Variants in DTX1 observed in about 807,000 individuals in gnomAD.
DTX1 encodes E3 ubiquitin-protein ligase DTX1.
In DTX1, 26 loss-of-function variants were observed where a neutral mutation model predicts 57.8. That is an observed-to-expected ratio of 0.45 (90% CI 0.33 to 0.62). The LOEUF is 0.62. Ranked by LOEUF, DTX1 falls within the 20% of genes least tolerant of loss-of-function variation. The probability of loss-of-function intolerance (pLI) is 0.02; values close to 1 mark genes in which losing one functional copy is unlikely to be tolerated. For missense variants in DTX1, 704 were observed against 895.3 expected (o/e 0.79, Z 2.73); for synonymous variants, 398 against 394.1 (o/e 1.01, Z -0.12).
In DTX1 at chr12:113,097,151, C is replaced by G; in HGVS notation, c.*212C>G. On this transcript the variant is annotated 3_prime_UTR_variant, in exon 10 of 10. Coordinates refer to ENST00000548759, the MANE Select transcript of DTX1 (RefSeq NM_004416.3). Reference sequence around the variant, plus strand: ...ATCATAGCTCCCTGAGAGGGCCAAGCAGAGAGTACTGGAAACCTCCCTACC... The same window carrying G: ...ATCATAGCTCCCTGAGAGGGCCAAGGAGAGAGTACTGGAAACCTCCCTACC... The G allele has an allele frequency of 1.7e-6, 1 of 593,730 alleles. No individual in the cohort carries two copies. The highest frequency in any genetic ancestry group is 3.1e-5 in the Admixed American group (1 of 32,634). 36.8% of individuals were successfully genotyped at this position (593,730 alleles called of 1,614,324 possible). A position where few individuals can be genotyped will look rare whatever the true frequency, so the allele number is the denominator to read the frequency against.
intron 3 of DTX1, among the ~76,000 whole-genome samples, chr12:113,090,545 T>C (rs1227400973): frequency 6.6e-6 from 1 of 152,188 alleles, no homozygotes; most frequent in Non-Finnish European, 1.5e-5. Flanking sequence ...TGAGGCACAG[T>C]GCTTTCTTCC....
intron 3 of DTX1, among the ~76,000 whole-genome samples, chr12:113,081,543 T>G (rs2044817666): frequency 6.6e-6 from 1 of 151,960 alleles, no homozygotes. Context: ...ATGAAGACGA[T>G]CTCTGGAGTG....
chr12:113,093,454 A>C lies in DTX1; in HGVS notation c.1004-85A>C. On this transcript the variant is annotated intron_variant, in intron 4 of 9. Transcript: ENST00000548759. This position sits in a 1 kb window ranked among gnomAD's most constrained non-coding sequence, Gnocchi z 4.2. Reference sequence around the variant, plus strand: ...AGAGCGCAACCCTCCCACCCACCCGAGGGCCCCGGGATTCCCAGGGCCAGT... The same window carrying C: ...AGAGCGCAACCCTCCCACCCACCCGCGGGCCCCGGGATTCCCAGGGCCAGT... 2.1e-5 allele frequency: 16 copies of C among 749,412 alleles called. No homozygotes were observed. Among genetic ancestry groups the C allele is most frequent in the Non-Finnish European group, 3.2e-5 (16 of 492,472 alleles). The allele number at this position is 749,412 out of a possible 1,614,324, so 46.4% of individuals were successfully genotyped here. A position where few individuals can be genotyped will look rare whatever the true frequency, so the allele number is the denominator to read the frequency against.
intron 3 of DTX1, among the ~76,000 whole-genome samples, chr12:113,092,892 G>T (rs1020849611): frequency 2.0e-4 from 31 of 152,232 alleles, no homozygotes; most frequent in Non-Finnish European, 3.8e-4. Context: ...GCCCTCTCGA[G>T]GGAGGAGCCG....
intron 2 of DTX1, among the ~76,000 whole-genome samples, chr12:113,067,536 G>T (rs1273178335): frequency 6.6e-6 from 1 of 152,212 alleles, no homozygotes. Flanking sequence ...TGTGTGCAGT[G>T]TCTGGGAAGG....
chr12:113,087,760 A>G lies in DTX1; in HGVS notation c.942-5402A>G, dbSNP rs144453228. On this transcript the variant is annotated intron_variant, in intron 3 of 9. Coordinates refer to ENST00000548759, the MANE Select transcript of DTX1 (RefSeq NM_004416.3). Reference sequence around the variant, plus strand: ...GGTATCCTGAAGGGGGCCAAGGCCAATGGGGGACCTGGAAACTAGCATCAG... The same window carrying G: ...GGTATCCTGAAGGGGGCCAAGGCCAGTGGGGGACCTGGAAACTAGCATCAG... Among the ~76,000 whole-genome samples the G allele has an allele frequency of 6.4e-4, 97 of 152,060 alleles. 1 individual carries two copies. The highest frequency in any genetic ancestry group is 2.0e-3 in the African/African-American group (83 of 41,492).
intron 3 of DTX1, among the ~76,000 whole-genome samples, chr12:113,091,245 CTG>C (rs140099273): frequency 0.1 from 15,805 of 152,104 alleles, 1,076 homozygotes; most frequent in Middle Eastern, 0.19. Context: ...GCACAAGTCT[CTG>C]TATGTAGGTG....
At position 113,077,599 on chromosome 12, in the gene DTX1, A is replaced by G. The variant is rs1462883862; in HGVS notation, c.435A>G (p.Leu145=). 1.1e-5 allele frequency: 17 copies of G among 1,613,346 alleles called. No homozygotes were observed. Among genetic ancestry groups the G allele is most frequent in the Admixed American group, 1.7e-5 (1 of 60,002 alleles). Residue 145 remains leucine, a synonymous_variant, in exon 3 of 10, where the codon CTA becomes CTG. Transcript: ENST00000548759. The surrounding 1 kb of genome is among the most constrained non-coding windows in gnomAD (Gnocchi z 7.8). ...KQHPWLDLSS[L]GFCYLIYFNS... is the part of the protein sequence containing the mutation. ...ACCCGTGGCTCGACCTCTCATCGCT[A>G]GGCTTCTGCTACCTCATCTACTTCA...
Position 113,077,403 on chromosome 12 carries a change from T to G in DTX1, c.260-21T>G. 2 of 1,538,526 alleles carry G rather than the reference T, an allele frequency of 1.3e-6. No homozygotes were observed. Among genetic ancestry groups the G allele is most frequent in the Non-Finnish European group, 1.8e-6 (2 of 1,140,252 alleles). On this transcript the variant is annotated intron_variant, in intron 2 of 9. Coordinates refer to ENST00000548759, the MANE Select transcript of DTX1 (RefSeq NM_004416.3). This position sits in a 1 kb window ranked among gnomAD's most constrained non-coding sequence, Gnocchi z 7.8. ...GACCAACGCCCGCTGTGCTGACGCC[T>G]CCTCCCCATTTCGAGTACAGGCACC...
At chr12:113,069,890 G>A (rs2044728161) in intron 2 of DTX1, among the ~76,000 whole-genome samples, 1 of 152,188 alleles carries the variant, frequency 6.6e-6, no homozygotes, top group Non-Finnish European at 1.5e-5. Flanking sequence ...GCAGATGCCA[G>A]CTAAGGGGCT....
In DTX1 at chr12:113,057,918, G is replaced by A. The variant is rs2044639517; in HGVS notation, c.-275G>A. The A allele has an allele frequency of 2.0e-6, 1 of 510,650 alleles. No homozygotes were observed. Among genetic ancestry groups the A allele is most frequent in the African/African-American group, 1.9e-5 (1 of 52,450 alleles). 31.6% of individuals were successfully genotyped at this position (510,650 alleles called of 1,614,324 possible). ...AGCCGAGGGGGCCAAGGACTTTAGA[G>A]CTGTTTCCTCCGGCATAAGAGAGAC... is the stretch of plus-strand genomic sequence containing the variant. On this transcript the variant is annotated 5_prime_UTR_variant, in exon 2 of 10. Transcript: ENST00000548759.
intron 2 of DTX1, among the ~76,000 whole-genome samples, chr12:113,064,440 T>C (rs1592842104): frequency 6.6e-6 from 1 of 152,210 alleles, no homozygotes. Context: ...GGGCTGGGTC[T>C]TGGGGACTCA....
At chr12:113,083,361 T>C (rs2044831859) in intron 3 of DTX1, among the ~76,000 whole-genome samples, 1 of 152,200 alleles carries the variant, frequency 6.6e-6, no homozygotes, top group African/African-American at 2.4e-5. Context: ...CGTCTTGCTC[T>C]GTTACCCAGG....
At chr12:113,058,640 C>G (rs2136421134) in intron 2 of DTX1, among the ~76,000 whole-genome samples, 189 bp downstream of exon 2, 1 of 152,366 alleles carries the variant, frequency 6.6e-6, no homozygotes, top group African/African-American at 2.4e-5. Flanking sequence ...AGCCTCTGAG[C>G]AAGCTGTAGG....
At position 113,094,101 on chromosome 12, in the gene DTX1, TGAGGAGGGGATGGGGGGGCTG is replaced by T; in HGVS notation, c.1227+4_1227+24del. The stretch of plus-strand genomic sequence containing the variant: ...AAGGTGAAAAACCCACCTGATGAGG[TGAGGAGGGGATGGGGGGGCTG>T]GGGGAGGGCCCTGGCATGGAGGGGG... On this transcript the variant is annotated splice_donor_5th_base_variant and intron_variant, in intron 6 of 9. Transcript: ENST00000548759. 1 of 1,376,944 alleles carries T rather than the reference TGAGGAGGGGATGGGGGGGCTG, an allele frequency of 7.3e-7. No homozygotes were observed. The highest frequency in any genetic ancestry group is 1.0e-6 in the Non-Finnish European group (1 of 996,860). The allele number at this position is 1,376,944 out of a possible 1,614,324, so 85.3% of individuals were successfully genotyped here.
In DTX1 at chr12:113,057,746, G is replaced by C. The variant is rs2044637013; in HGVS notation, c.-447G>C. The C allele has an allele frequency of 5.8e-6, 1 of 172,934 alleles. No homozygotes were observed. Among genetic ancestry groups the C allele is most frequent in the Non-Finnish European group, 1.2e-5 (1 of 80,008 alleles). The allele number at this position is 172,934 out of a possible 1,614,324, so 10.7% of individuals were successfully genotyped here. Reference sequence around the variant, plus strand: ...TCTGGGACGCAGTTGGGAGTGCAAAGGGCTGGCTGAGAGCCGCAGGAGCAG... The same window carrying C: ...TCTGGGACGCAGTTGGGAGTGCAAACGGCTGGCTGAGAGCCGCAGGAGCAG... On this transcript the variant is annotated 5_prime_UTR_variant, in exon 2 of 10. Transcript: ENST00000548759.
chr12:113,084,221 G>A (rs1012596597), intron 3 of DTX1, among the ~76,000 whole-genome samples: 3 of 152,188 alleles, frequency 2.0e-5, no homozygotes, highest in Admixed American at 1.3e-4. Flanking sequence ...GGGAAGATCC[G>A]CCCTGTCCCC....
Position 113,057,973 on chromosome 12 carries a change from G to C in DTX1, c.-220G>C. 1.5e-6 allele frequency: 1 copy of C among 678,112 alleles called. No homozygotes were observed. Among genetic ancestry groups the C allele is most frequent in the Non-Finnish European group, 2.4e-6 (1 of 416,652 alleles). The allele number at this position is 678,112 out of a possible 1,614,324, so 42.0% of individuals were successfully genotyped here. The stretch of plus-strand genomic sequence containing the variant: ...GCTTTCCAGGGCAGCACCCTTTATC[G>C]GAGAAGGCTCTACAGGGAAGGGGTC... On this transcript the variant is annotated 5_prime_UTR_variant, in exon 2 of 10. Transcript: ENST00000548759.
At chr12:113,076,103 C>G (rs1286390224) in intron 2 of DTX1, among the ~76,000 whole-genome samples, 2 of 151,942 alleles carry the variant, frequency 1.3e-5, no homozygotes, top group Non-Finnish European at 2.9e-5. Context: ...GAAGGAATGT[C>G]TGAATGCCTG....
Sources: gnomAD v4.1 joint callset for allele counts (sites outside exome capture counted in the v4.1 genomes callset) on GRCh38, gnomAD v4.1.1 for gene constraint, Gnocchi (gnomAD v3.1) non-coding constraint, MANE v1.5 for transcripts, NCBI Gene and HGNC (gene_info 2026-07-23, HGNC 2026-07-21) for gene names.